ZNF286A: variants seen among roughly 807,000 people sequenced by gnomAD.
ZNF286A encodes the protein zinc finger protein 286A.
ZNF286A carries 34 observed loss-of-function variants against 49.3 expected under a neutral mutation model. That is an observed-to-expected ratio of 0.69 (90% CI 0.52 to 0.92). The LOEUF (loss-of-function observed/expected upper bound fraction) is 0.92. ZNF286A is among the 40% of genes least tolerant of loss of function. The pLI is 0.00. For missense variants in ZNF286A, 462 were observed against 600.2 expected (o/e 0.77, Z 2.41); for synonymous variants, 155 against 200.4 (o/e 0.77, Z 1.91).
chr17:15,715,184 A>G (rs531204632), intron 5 of ZNF286A, among the ~76,000 whole-genome samples: 69 of 152,014 alleles, frequency 4.5e-4, no homozygotes, highest in African/African-American at 1.7e-3. Context: ...CTATAGGTAC[A>G]AATTTTTATT....
At position 15,719,758 on chromosome 17, in the gene ZNF286A, G is replaced by T. The variant is rs959418479; in HGVS notation, c.*2468G>T. On this transcript the variant is annotated 3_prime_UTR_variant, in exon 6 of 6. Coordinates refer to ENST00000583566, the MANE Select transcript of ZNF286A (RefSeq NM_001130842.2). Reference sequence around the variant, plus strand: ...TCCCTGAAAGCCTAAAATATTTACTGTTTGGCTCTTTACAGAAAATATTTT... The same window carrying T: ...TCCCTGAAAGCCTAAAATATTTACTTTTTGGCTCTTTACAGAAAATATTTT... The T allele has an allele frequency of 6.6e-6, 1 of 152,156 alleles. No homozygotes were observed. The highest frequency in any genetic ancestry group is 1.5e-5 in the Non-Finnish European group (1 of 68,038). 9.4% of individuals were successfully genotyped at this position (152,156 alleles called of 1,614,324 possible).
At chr17:15,715,560 GGTTTTTGATCA>G in intron 5 of ZNF286A, among the ~76,000 whole-genome samples, 1 of 152,092 alleles carries the variant, frequency 6.6e-6, no homozygotes, top group South Asian at 2.1e-4. Context: ...GATCATAGGA[GGTTTTTGATCA>G]GCAAAATGTT....
chr17:15,711,797 T>C (rs1276791188), intron 5 of ZNF286A, among the ~76,000 whole-genome samples: 11 of 151,710 alleles, frequency 7.3e-5, no homozygotes, highest in East Asian at 3.9e-4. Context: ...TGGTGGTTGT[T>C]GTTCAGTACG....
At chr17:15,701,826 A>T (rs1989795780) in intron 3 of ZNF286A, among the ~76,000 whole-genome samples, 1 of 152,204 alleles carries the variant, frequency 6.6e-6, no homozygotes, top group Admixed American at 6.5e-5. Flanking sequence ...AATATGACAA[A>T]TATTACGAAT....
rs552727113 is a variant in ZNF286A at position 15,709,625 on chromosome 17, A to G, written c.334+1378A>G. ...TGTGTGTATACACAGAGATATATAC[A>G]TATGTATGTAAAACAATCTGTATGT... On this transcript the variant is annotated intron_variant, in intron 5 of 5. Transcript: ENST00000583566. Among the ~76,000 whole-genome samples, 81 of 152,302 alleles carry G rather than the reference A, an allele frequency of 5.3e-4. 1 individual carries two copies. Among genetic ancestry groups the G allele is most frequent in the African/African-American group, 1.9e-3 (80 of 41,562 alleles).
intron 5 of ZNF286A, among the ~76,000 whole-genome samples, chr17:15,712,015 GTGC>G (rs1990702136): frequency 6.6e-6 from 1 of 151,814 alleles, no homozygotes; most frequent in Admixed American, 6.6e-5. Flanking sequence ...GGGACTACAG[GTGC>G]CCGCCACCAC....
intron 3 of ZNF286A, among the ~76,000 whole-genome samples, chr17:15,702,948 C>G (rs1989897274): frequency 6.6e-6 from 1 of 152,188 alleles, no homozygotes; most frequent in Admixed American, 6.5e-5. Context: ...GTGTTGGCCT[C>G]TAACGAGTTT....
chr17:15,704,719 C>T (rs1364669651), intron 3 of ZNF286A: 37 of 1,613,604 alleles, frequency 2.3e-5, no homozygotes, highest in South Asian at 5.5e-5. Flanking sequence ...GAGTTTCATG[C>T]GGAACAGACC....
In ZNF286A at chr17:15,701,407, C is replaced by T; in HGVS notation, c.126+167C>T. The T allele has an allele frequency of 1.5e-5, 8 of 527,770 alleles. No homozygotes were observed. In the South Asian group the frequency reaches 2.1e-4, roughly 14 times the overall value. The allele number at this position is 527,770 out of a possible 1,614,324, so 32.7% of individuals were successfully genotyped here. On this transcript the variant is annotated intron_variant, in intron 3 of 5. Transcript: ENST00000583566. ...TAATGGACTCAGAAGAAAATGTTTTCTACTTATAACACTGGATGGATTTCT... is the reference window on the plus strand; with the variant it reads ...TAATGGACTCAGAAGAAAATGTTTTTTACTTATAACACTGGATGGATTTCT...
At position 15,717,119 on chromosome 17, in the gene ZNF286A, G is replaced by A. The variant is rs766942492; in HGVS notation, c.1395G>A (p.Pro465=). ...KHQRIHIGKK[P]YKCSECGKAF... is the part of the protein sequence containing the mutation. Reference sequence around the variant, plus strand: ...AAAGAATTCATATTGGAAAGAAACCGTACAAATGTAGCGAGTGTGGAAAAG... The same window carrying A: ...AAAGAATTCATATTGGAAAGAAACCATACAAATGTAGCGAGTGTGGAAAAG... Residue 465 remains proline, a synonymous_variant, in exon 6 of 6, where the codon CCG becomes CCA. Transcript: ENST00000583566. The A allele has an allele frequency of 6.1e-5, 98 of 1,613,648 alleles. No individual in the cohort carries two copies. Among genetic ancestry groups the A allele is most frequent in the Non-Finnish European group, 7.1e-5 (84 of 1,179,944 alleles).
chr17:15,704,294 G>T, intron 3 of ZNF286A: 2 of 1,609,428 alleles, frequency 1.2e-6, no homozygotes, highest in Non-Finnish European at 8.5e-7. Flanking sequence ...TTCTTATCGC[G>T]CTCGCCAGCA....
chr17:15,711,059 A>C (rs554379117), intron 5 of ZNF286A, among the ~76,000 whole-genome samples: 1 of 151,794 alleles, frequency 6.6e-6, no homozygotes, highest in Admixed American at 6.6e-5. Context: ...TTACAGGCAT[A>C]CGCCACCAAA....
At chr17:15,713,866 C>T (rs1289163829) in intron 5 of ZNF286A, among the ~76,000 whole-genome samples, 1 of 151,918 alleles carries the variant, frequency 6.6e-6, no homozygotes, top group Non-Finnish European at 1.5e-5. Context: ...ATTTGTTGTC[C>T]TTGATATGAC....
At chr17:15,706,524 G>A (rs1209161153) in intron 4 of ZNF286A, 23 bp downstream of exon 4, 2 of 1,550,942 alleles carry the variant, frequency 1.3e-6, no homozygotes, top group East Asian at 2.3e-5. Flanking sequence ...TGTGATTCTG[G>A]AATCTGCTTA....
intron 4 of ZNF286A, among the ~76,000 whole-genome samples, chr17:15,707,017 C>T (rs1333314775): frequency 6.6e-6 from 1 of 152,178 alleles, no homozygotes; most frequent in Non-Finnish European, 1.5e-5. Context: ...AGATTGAGTA[C>T]TCTGTGGCCA....
chr17:15,703,126 C>A (rs950226350), intron 3 of ZNF286A, among the ~76,000 whole-genome samples: 1 of 152,196 alleles, frequency 6.6e-6, no homozygotes, highest in Admixed American at 6.5e-5. Context: ...TACACACACA[C>A]GCACATACAC....
At chr17:15,707,496 A>T (rs1042358944) in intron 4 of ZNF286A, among the ~76,000 whole-genome samples, 9 of 152,098 alleles carry the variant, frequency 5.9e-5, no homozygotes, top group African/African-American at 2.2e-4. Flanking sequence ...AAGGAAAAAC[A>T]TTAGAAGATA....
At chr17:15,701,324 A>C in intron 3 of ZNF286A, 84 bp downstream of exon 3, 1 of 1,252,406 alleles carries the variant, frequency 8.0e-7, no homozygotes, top group Non-Finnish European at 1.1e-6. Flanking sequence ...GAGTTTCTTT[A>C]TCCACTAAAG....
rs368467610 is a variant in ZNF286A at position 15,702,804 on chromosome 17, A to ATT, written c.126+1564_126+1565insTT. 3.1e-3 allele frequency among the ~76,000 whole-genome samples: 478 copies of ATT among 152,368 alleles called. 2 individuals carry two copies. The highest frequency in any genetic ancestry group is 0.011 in the African/African-American group (450 of 41,582). On this transcript the variant is annotated intron_variant, in intron 3 of 5. Transcript: ENST00000583566. ...CAAATGGGTCTAAGTGAAAAGAAGT[A>ATT]ACTATTGACTAACAAACTGAAAAAT...
Sources: gnomAD v4.1 joint callset for allele counts (sites outside exome capture counted in the v4.1 genomes callset) on GRCh38, gnomAD v4.1.1 for gene constraint, MANE v1.5 for transcripts, NCBI Gene and HGNC (gene_info 2026-07-23, HGNC 2026-07-21) for gene names.